Variants in RBFOX1 observed in about 807,000 individuals in gnomAD.
RBFOX1 encodes the protein RNA binding protein fox-1 homolog 1.
In RBFOX1, 8 loss-of-function variants were observed where a neutral mutation model predicts 57.7. The observed-to-expected ratio is 0.14, with a 90% CI of 0.08 to 0.25. RBFOX1 has a LOEUF of 0.25. Ranked by LOEUF, RBFOX1 falls within the 10% of genes least tolerant of loss-of-function variation. RBFOX1 has a pLI of 1.00. For synonymous variants in RBFOX1, 326 were observed against 222.4 expected (o/e 1.47, Z -4.15); for missense variants, 611 against 548.5 (o/e 1.11, Z -1.14).
At chr16:6,403,635 A>T (rs796223028) in intron 2 of RBFOX1, among the ~76,000 whole-genome samples, 2 of 152,242 alleles carry the variant, frequency 1.3e-5, no homozygotes, top group East Asian at 3.9e-4. Flanking sequence ...GGTTGTAGCC[A>T]TGAGCCACCG....
At position 5,366,192 on chromosome 16, in the gene RBFOX1, C is replaced by T. The variant is rs1375413624; in HGVS notation, c.220-101024C>T. 7.1e-6 allele frequency: 3 copies of T among 419,614 alleles called. No individual in the cohort carries two copies. The Admixed American group carries it at 8.6e-5, about 12-fold the overall frequency. 26.0% of individuals were successfully genotyped at this position (419,614 alleles called of 1,614,324 possible). On this transcript the variant is annotated intron_variant, in intron 1 of 2. Coordinates refer to the RBFOX1 transcript ENST00000585867. ...AGAAGACGAAGACAAAGATATGAAA[C>T]TCTTAAGTATATCTGGGAAGCAGGC...
At chr16:6,378,292 G>A (rs2091427996) in intron 2 of RBFOX1, among the ~76,000 whole-genome samples, 1 of 152,314 alleles carries the variant, frequency 6.6e-6, no homozygotes, top group South Asian at 2.1e-4. Context: ...CACCTCTCAC[G>A]GAGGCTGGGG....
chr16:7,164,163 C>T (rs565620530), intron 4 of RBFOX1, among the ~76,000 whole-genome samples: 19 of 152,110 alleles, frequency 1.2e-4, no homozygotes, highest in African/African-American at 3.1e-4. Context: ...ATCATTCTTA[C>T]GTCTTTGCGT....
intron 1 of RBFOX1, among the ~76,000 whole-genome samples, chr16:5,293,074 A>G (rs1378587406): frequency 2.6e-5 from 4 of 151,868 alleles, no homozygotes; most frequent in Admixed American, 6.5e-5. Context: ...TAATGCCAGT[A>G]CTTTGGGAGG....
At chr16:6,027,812 G>T (rs1364045878) in intron 1 of RBFOX1, among the ~76,000 whole-genome samples, 1 of 152,184 alleles carries the variant, frequency 6.6e-6, no homozygotes, top group African/African-American at 2.4e-5. Context: ...TAACTGAGGT[G>T]ACAAATTGAG....
At chr16:6,927,856 C>G (rs558023778) in intron 3 of RBFOX1, among the ~76,000 whole-genome samples, 1 of 152,212 alleles carries the variant, frequency 6.6e-6, no homozygotes, top group Admixed American at 6.5e-5. Context: ...TCTCACAACA[C>G]ATCATTTCAA....
rs534937247 is a variant in RBFOX1 at position 7,247,150 on chromosome 16, C to G, written c.27+195052C>G. Among the ~76,000 whole-genome samples, 21 of 152,266 alleles carry G rather than the reference C, an allele frequency of 1.4e-4. 2 individuals carry two copies. In the South Asian group the frequency reaches 3.7e-3, roughly 27 times the overall value. ...AGGAGGCTCAGCTTTGGAGGGAACT[C>G]TGGTCCCTGTGTCTCAAGTCCTCTG... On this transcript the variant is annotated intron_variant, in intron 4 of 15. Coordinates refer to ENST00000550418, the MANE Select transcript of RBFOX1 (RefSeq NM_018723.4).
At position 5,339,470 on chromosome 16, in the gene RBFOX1, G is replaced by GTTTTTTTTTTTTTTTTTTTTTTTTTTTT. The variant is rs560472298; in HGVS notation, c.219+99368_219+99395dup. On this transcript the variant is annotated intron_variant, in intron 1 of 2. Coordinates refer to the RBFOX1 transcript ENST00000585867. ...AAAAGCTAGAAGCTGCTTTTTCCGTGTTTTTTTTTTTTTTTTTTTTTTTTT... is the reference window on the plus strand; with the variant it reads ...AAAAGCTAGAAGCTGCTTTTTCCGTGTTTTTTTTTTTTTTTTTTTTTTTTTTTTTTTTTTTTTTTTTTTTTTTTTTTTT... 6.1e-4 allele frequency among the ~76,000 whole-genome samples: 25 copies of GTTTTTTTTTTTTTTTTTTTTTTTTTTTT among 40,888 alleles called. 7 individuals are homozygous for GTTTTTTTTTTTTTTTTTTTTTTTTTTTT. Among genetic ancestry groups the GTTTTTTTTTTTTTTTTTTTTTTTTTTTT allele is most frequent in the Admixed American group, 2.3e-3 (5 of 2,140 alleles). The allele number at this position is 40,888 out of a possible 152,430, so 26.8% of individuals were successfully genotyped here.
At chr16:5,580,171 C>T (rs766275928) in intron 2 of RBFOX1, among the ~76,000 whole-genome samples, 3 of 152,166 alleles carry the variant, frequency 2.0e-5, no homozygotes, top group Non-Finnish European at 2.9e-5. Flanking sequence ...CTCCCTTGGC[C>T]CAGCGTAGTG....
chr16:6,162,394 C>T (rs897115950), intron 1 of RBFOX1, among the ~76,000 whole-genome samples: 2 of 152,140 alleles, frequency 1.3e-5, no homozygotes, highest in African/African-American at 4.8e-5. Context: ...GGATTACTGT[C>T]GTGAGCCACT....
At chr16:7,456,799 C>G (rs1442581693) in intron 4 of RBFOX1, among the ~76,000 whole-genome samples, 1 of 152,166 alleles carries the variant, frequency 6.6e-6, no homozygotes, top group African/African-American at 2.4e-5. Context: ...CTACTCCAAG[C>G]CTTCTATTCA....
intron 3 of RBFOX1, among the ~76,000 whole-genome samples, chr16:5,705,323 A>T (rs1231275267): frequency 6.6e-6 from 1 of 152,116 alleles, no homozygotes; most frequent in African/African-American, 2.4e-5. Context: ...GTGCAGTGGC[A>T]TGATCCTTGA....
chr16:6,118,795 C>CCTTCCT (rs1567499455), intron 1 of RBFOX1, among the ~76,000 whole-genome samples: 2 of 147,160 alleles, frequency 1.4e-5, no homozygotes, highest in African/African-American at 5.2e-5. Flanking sequence ...CTTTCTCTCT[C>CCTTCCT]TCCTTCCTTC....
At chr16:7,647,948 T>C (rs1232455713) in intron 11 of RBFOX1, among the ~76,000 whole-genome samples, 2 of 152,194 alleles carry the variant, frequency 1.3e-5, no homozygotes, top group Admixed American at 1.3e-4. Context: ...AAAACAGTTT[T>C]AGTCTTGTTT....
At chr16:6,946,723 C>T (rs1568018779) in intron 3 of RBFOX1, among the ~76,000 whole-genome samples, 4 of 152,076 alleles carry the variant, frequency 2.6e-5, no homozygotes, top group Admixed American at 6.6e-5. Context: ...TTGCCTGAGT[C>T]TCCCAAATAG....
chr16:6,542,914 C>G (rs902878793), intron 2 of RBFOX1, among the ~76,000 whole-genome samples: 1 of 152,042 alleles, frequency 6.6e-6, no homozygotes. Context: ...GGGGACCACA[C>G]CGTGCTGAGT....
At chr16:7,661,765 G>A (rs1454774942) in intron 12 of RBFOX1, among the ~76,000 whole-genome samples, 1 of 152,180 alleles carries the variant, frequency 6.6e-6, no homozygotes, top group Admixed American at 6.5e-5. Flanking sequence ...TATTTGGCTT[G>A]TTTGAGCTTT....
At chr16:7,510,922 G>C (rs926874274) in intron 4 of RBFOX1, among the ~76,000 whole-genome samples, 1 of 152,144 alleles carries the variant, frequency 6.6e-6, no homozygotes, top group African/African-American at 2.4e-5. Flanking sequence ...TCATTATAAG[G>C]GTTGAGTTAA....
intron 1 of RBFOX1, among the ~76,000 whole-genome samples, chr16:5,430,353 A>G (rs2067693156): frequency 6.6e-6 from 1 of 152,178 alleles, no homozygotes; most frequent in Non-Finnish European, 1.5e-5. Flanking sequence ...AGAAAATTGC[A>G]TGTGCAAAGG....
Sources: allele counts gnomAD v4.1 joint callset (sites outside exome capture counted in the v4.1 genomes callset), GRCh38; gene constraint gnomAD v4.1.1; transcripts MANE v1.5; gene names NCBI Gene and HGNC (gene_info 2026-07-23, HGNC 2026-07-21).